Variants in POLR3E observed in about 807,000 individuals in gnomAD.
POLR3E encodes the protein DNA-directed RNA polymerase III subunit RPC5.
A neutral mutation model predicts 96.6 loss-of-function variants in POLR3E; 41 were observed. The observed-to-expected ratio is 0.42, with a 90% confidence interval of 0.33 to 0.55. POLR3E has a LOEUF of 0.55. POLR3E is among the 20% of genes least tolerant of loss of function. The pLI is 0.06. For missense variants in POLR3E, 849 were observed against 952.1 expected (o/e 0.89, Z 1.43); for synonymous variants, 396 against 383.6 (o/e 1.03, Z -0.38).
At chr16:22,329,434 G>A (rs2048689677) in intron 19 of POLR3E, among the ~76,000 whole-genome samples, 1 of 152,162 alleles carries the variant, frequency 6.6e-6, no homozygotes, top group South Asian at 2.1e-4. Flanking sequence ...GCTTTTCTTA[G>A]GCCGTGAACG....
At chr16:22,298,682 G>A (rs891599209) in intron 1 of POLR3E, among the ~76,000 whole-genome samples, 1 of 152,170 alleles carries the variant, frequency 6.6e-6, no homozygotes, top group African/African-American at 2.4e-5. Flanking sequence ...TTGACATAGC[G>A]AGACCCAAGT....
At chr16:22,329,325 C>T (rs958401004) in intron 19 of POLR3E, among the ~76,000 whole-genome samples, 1 of 152,132 alleles carries the variant, frequency 6.6e-6, no homozygotes, top group Non-Finnish European at 1.5e-5. Context: ...TCTAGTCATA[C>T]TGTGATGGGG....
At chr16:22,319,919 C>G (rs1285897332) in intron 13 of POLR3E, among the ~76,000 whole-genome samples, 1 of 151,664 alleles carries the variant, frequency 6.6e-6, no homozygotes, top group African/African-American at 2.4e-5. Context: ...CCTGTAGTAC[C>G]CTTTGTCCTG....
chr16:22,326,041 C>G lies in POLR3E; in HGVS notation c.1629C>G (p.Asp543Glu). 1 of 1,605,130 alleles carries G rather than the reference C, an allele frequency of 6.2e-7. No individual in the cohort carries two copies. Among genetic ancestry groups the G allele is most frequent in the Non-Finnish European group, 8.5e-7 (1 of 1,174,558 alleles). Residue 543 changes from aspartate to glutamate, a missense_variant, in exon 18 of 21, where the codon GAC becomes GAG. By Grantham distance (45) the Asp-to-Glu change is conservative (BLOSUM62 2). Coordinates refer to ENST00000299853, the MANE Select transcript of POLR3E (RefSeq NM_018119.4). ...GLPLGRAAGT[D>E]SFNGHPPQGC... The stretch of plus-strand genomic sequence containing the variant: ...CTCTCGGGCGGGCTGCGGGCACAGA[C>G]AGCTTCAACGGGCACCCGCCCCAGG...
intron 18 of POLR3E, chr16:22,327,512 C>G (rs920016334): frequency 6.6e-6 from 1 of 152,310 alleles, no homozygotes; most frequent in African/African-American, 2.4e-5. Flanking sequence ...CCCCTCCTTC[C>G]GGACCCCCTC....
intron 2 of POLR3E, among the ~76,000 whole-genome samples, chr16:22,304,851 G>T (rs1017859990): frequency 6.6e-6 from 1 of 152,190 alleles, no homozygotes; most frequent in Non-Finnish European, 1.5e-5. Context: ...CCAGGCTGTA[G>T]GACGTTTCCC....
chr16:22,331,278 A>G (rs573497581), intron 19 of POLR3E, among the ~76,000 whole-genome samples: 1 of 152,064 alleles, frequency 6.6e-6, no homozygotes, highest in African/African-American at 2.4e-5. Flanking sequence ...TGCGCCCGGC[A>G]TGAAGCATCT....
intron 1 of POLR3E, 21 bp downstream of exon 1, chr16:22,297,558 G>T (rs949759369): frequency 1.3e-5 from 2 of 152,450 alleles, no homozygotes; most frequent in Non-Finnish European, 2.9e-5. Context: ...TCTTGGCAGT[G>T]CCCGAGCTGG....
intron 13 of POLR3E, among the ~76,000 whole-genome samples, chr16:22,320,300 T>C (rs2048443159): frequency 6.6e-6 from 1 of 152,164 alleles, no homozygotes; most frequent in African/African-American, 2.4e-5. Context: ...CTCTCTCTCT[T>C]GCCCAGGCTG....
At position 22,316,692 on chromosome 16, in the gene POLR3E, A is replaced by G. The variant is rs757480641; in HGVS notation, c.728+6A>G. ...GAGCTCGTCAAGTCACCCAGGTGGG[A>G]TGGGCTGGGCCAGCATGCAAACTGG... is the stretch of plus-strand genomic sequence containing the variant. On this transcript the variant is annotated splice_donor_region_variant and intron_variant, in intron 10 of 20. Transcript: ENST00000299853. The G allele has an allele frequency of 6.2e-7, 1 of 1,611,668 alleles. No homozygotes were observed. Among genetic ancestry groups the G allele is most frequent in the African/African-American group, 1.3e-5 (1 of 74,894 alleles).
chr16:22,334,714 G>T lies in POLR3E; in HGVS notation c.*1014G>T, dbSNP rs1175451460. On this transcript the variant is annotated 3_prime_UTR_variant, in exon 21 of 21. Transcript: ENST00000299853. Reference sequence around the variant, plus strand: ...CATTTTACACTTTCCTCAACACTCAGTTTGGACTAGCCACATCATAAGTGC... The same window carrying T: ...CATTTTACACTTTCCTCAACACTCATTTTGGACTAGCCACATCATAAGTGC... 6.6e-6 allele frequency: 1 copy of T among 151,698 alleles called. No homozygotes were observed. The highest frequency in any genetic ancestry group is 2.4e-5 in the African/African-American group (1 of 41,406). The allele number at this position is 151,698 out of a possible 1,614,324, so 9.4% of individuals were successfully genotyped here.
At chr16:22,300,709 T>C (rs1404084965) in intron 1 of POLR3E, among the ~76,000 whole-genome samples, 2 of 152,232 alleles carry the variant, frequency 1.3e-5, no homozygotes, top group Non-Finnish European at 2.9e-5. Flanking sequence ...CGACTCCTGA[T>C]TTTCATTCCA....
At chr16:22,331,043 C>CAGCCAGGCTGGAGT (rs1358669038) in intron 19 of POLR3E, among the ~76,000 whole-genome samples, 1 of 110,962 alleles carries the variant, frequency 9.0e-6, no homozygotes, top group African/African-American at 3.3e-5. Context: ...CTCCCTCTGT[C>CAGCCAGGCTGGAGT]AGCCAGGCTG....
At chr16:22,314,621 C>T (rs888494371) in intron 8 of POLR3E, among the ~76,000 whole-genome samples, 1 of 152,110 alleles carries the variant, frequency 6.6e-6, no homozygotes, top group Non-Finnish European at 1.5e-5. Context: ...AAATGCTACA[C>T]GTAGAATGAT....
At chr16:22,316,151 G>A (rs1281941458) in intron 9 of POLR3E, among the ~76,000 whole-genome samples, 2 of 152,164 alleles carry the variant, frequency 1.3e-5, no homozygotes, top group Non-Finnish European at 2.9e-5. Context: ...CAAACTTCTA[G>A]ACACTGCTGT....
intron 3 of POLR3E, among the ~76,000 whole-genome samples, chr16:22,305,753 C>T (rs998308030): frequency 5.9e-5 from 9 of 152,182 alleles, no homozygotes; most frequent in Non-Finnish European, 8.8e-5. Flanking sequence ...TGCCCCCTCC[C>T]CTTGCTGCTG....
chr16:22,300,452 C>T (rs2141720238), intron 1 of POLR3E, among the ~76,000 whole-genome samples: 1 of 152,340 alleles, frequency 6.6e-6, no homozygotes, highest in South Asian at 2.1e-4. Context: ...CCTCAGCCTC[C>T]CTGATCCCTG....
In POLR3E at chr16:22,334,884, G is replaced by C. The variant is rs1001891636; in HGVS notation, c.*1184G>C. On this transcript the variant is annotated 3_prime_UTR_variant, in exon 21 of 21. Transcript: ENST00000299853. ...TTCGCCATCTTTTTTGTACAACACA[G>C]TCACTAATTGTCTGAAGGTTTAAAT... 1 of 152,190 alleles carries C rather than the reference G, an allele frequency of 6.6e-6. No individual in the cohort carries two copies. Among genetic ancestry groups the C allele is most frequent in the African/African-American group, 2.4e-5 (1 of 41,436 alleles). 9.4% of individuals were successfully genotyped at this position (152,190 alleles called of 1,614,324 possible). A position where few individuals can be genotyped will look rare whatever the true frequency, so the allele number is the denominator to read the frequency against.
intron 9 of POLR3E, 116 bp from the exon 10 acceptor site, chr16:22,316,485 G>C (rs2048357717): frequency 1.4e-6 from 1 of 735,924 alleles, no homozygotes; most frequent in Non-Finnish European, 2.4e-6. Context: ...GTGCTCAGGA[G>C]GTTGGATGTG....
Sources: gnomAD v4.1 joint callset for allele counts (sites outside exome capture counted in the v4.1 genomes callset) on GRCh38, gnomAD v4.1.1 for gene constraint, MANE v1.5 for transcripts, NCBI Gene and HGNC (gene_info 2026-07-23, HGNC 2026-07-21) for gene names.